Variants in SLC25A36 observed in about 807,000 individuals in gnomAD.
SLC25A36 encodes the protein epididymis secretory sperm binding protein.
In SLC25A36, 24 loss-of-function variants were observed where a neutral mutation model predicts 35.3. The observed-to-expected ratio is 0.68, with a 90% CI of 0.49 to 0.96. The LOEUF (loss-of-function observed/expected upper bound fraction) is 0.96. SLC25A36 is among the 40% of genes least tolerant of loss of function. The probability of loss-of-function intolerance (pLI) is 0.00; values close to 1 mark genes in which losing one functional copy is unlikely to be tolerated. For synonymous variants in SLC25A36, 141 were observed against 132.2 expected (o/e 1.07, Z -0.46); for missense variants, 294 against 381.1 (o/e 0.77, Z 1.90).
intron 3 of SLC25A36, among the ~76,000 whole-genome samples, chr3:140,961,605 C>T (rs867945676): frequency 3.9e-5 from 6 of 152,006 alleles, no homozygotes; most frequent in South Asian, 2.1e-4. Context: ...CCTGTAATCC[C>T]AGCACTTTGG....
intron 1 of SLC25A36, among the ~76,000 whole-genome samples, chr3:140,947,766 T>A (rs533039865): frequency 1.3e-5 from 2 of 152,244 alleles, no homozygotes; most frequent in Admixed American, 6.5e-5. Context: ...CATTGCTGAC[T>A]TTTCCTAAGT....
chr3:140,944,768 T>A (rs1934118448), intron 1 of SLC25A36, among the ~76,000 whole-genome samples: 1 of 152,096 alleles, frequency 6.6e-6, no homozygotes, highest in Non-Finnish European at 1.5e-5. Flanking sequence ...ATCTAAGAAC[T>A]GTCTATTTTT....
At chr3:140,946,297 G>A (rs1283953099) in intron 1 of SLC25A36, among the ~76,000 whole-genome samples, 3 of 152,184 alleles carry the variant, frequency 2.0e-5, no homozygotes, top group African/African-American at 7.2e-5. Flanking sequence ...GAGAGAATTA[G>A]CTATACAAAA....
At chr3:140,968,196 A>C (rs751721184) in intron 4 of SLC25A36, 1 of 943,884 alleles carries the variant, frequency 1.1e-6, no homozygotes. Flanking sequence ...AGTAATGTCT[A>C]TTTAGTTTGT....
At chr3:140,951,588 G>A (rs1219085342) in intron 1 of SLC25A36, among the ~76,000 whole-genome samples, 1 of 151,694 alleles carries the variant, frequency 6.6e-6, no homozygotes, top group Non-Finnish European at 1.5e-5. Flanking sequence ...GGTTCAAACA[G>A]TCCTCCCACC....
intron 1 of SLC25A36, among the ~76,000 whole-genome samples, chr3:140,950,624 A>T (rs1934293783): frequency 6.6e-6 from 1 of 152,128 alleles, no homozygotes; most frequent in Non-Finnish European, 1.5e-5. Flanking sequence ...TTTGTCCCAG[A>T]TGTATAGTTT....
chr3:140,959,911 G>A (rs971947433), intron 3 of SLC25A36, among the ~76,000 whole-genome samples: 11 of 151,970 alleles, frequency 7.2e-5, no homozygotes, highest in Admixed American at 2.0e-4. Flanking sequence ...ATAAAGTATC[G>A]CATATTATAC....
intron 4 of SLC25A36, among the ~76,000 whole-genome samples, chr3:140,967,354 C>G (rs2107807595): frequency 6.6e-6 from 1 of 151,942 alleles, no homozygotes; most frequent in Admixed American, 6.6e-5. Context: ...TCATAGTTCT[C>G]TTTGCTTAGC....
At chr3:140,952,745 T>C (rs1934361770) in intron 1 of SLC25A36, among the ~76,000 whole-genome samples, 1 of 152,234 alleles carries the variant, frequency 6.6e-6, no homozygotes, top group Non-Finnish European at 1.5e-5. Context: ...ATTTATTTTC[T>C]TGGAACCAGG....
chr3:140,979,042 G>A lies in SLC25A36; in HGVS notation c.*2589G>A, dbSNP rs1174267082. On this transcript the variant is annotated 3_prime_UTR_variant, in exon 7 of 7. Transcript: ENST00000324194. The stretch of plus-strand genomic sequence containing the variant: ...TTCAAAGTTCAAATCTGAAGAATTA[G>A]CGTTTGTGATTTCGGGATACCATGC... The A allele has an allele frequency of 6.6e-6, 1 of 152,076 alleles. No homozygotes were observed. Among genetic ancestry groups the A allele is most frequent in the East Asian group, 1.9e-4 (1 of 5,196 alleles). The allele number at this position is 152,076 out of a possible 1,614,324, so 9.4% of individuals were successfully genotyped here.
intron 6 of SLC25A36, among the ~76,000 whole-genome samples, chr3:140,974,383 A>G (rs1327570466): frequency 2.0e-5 from 3 of 152,106 alleles, no homozygotes; most frequent in Non-Finnish European, 4.4e-5. Context: ...GTTATGCTAG[A>G]ACATAACCAG....
At chr3:140,945,388 C>T (rs769495771) in intron 1 of SLC25A36, among the ~76,000 whole-genome samples, 4 of 152,078 alleles carry the variant, frequency 2.6e-5, no homozygotes, top group East Asian at 1.9e-4. Flanking sequence ...AAATGCATTC[C>T]GTTCTTCTTA....
chr3:140,941,891 CGGGGAGGGCTGT>C lies in SLC25A36; in HGVS notation c.-162_-151del, dbSNP rs1252745103. The C allele has an allele frequency of 9.7e-6, 5 of 512,896 alleles. No homozygotes were observed. The East Asian group carries it at 1.8e-4, about 18-fold the overall frequency. 31.8% of individuals were successfully genotyped at this position (512,896 alleles called of 1,614,324 possible). On this transcript the variant is annotated 5_prime_UTR_variant, in exon 1 of 7. Coordinates refer to ENST00000324194, the MANE Select transcript of SLC25A36 (RefSeq NM_001104647.3). The stretch of plus-strand genomic sequence containing the variant: ...AGGCGGTGGCGCGGCTGGAGTGCCG[CGGGGAGGGCTGT>C]GCCGGTTGCTTTCTGCAGCCGCATC...
rs1935151218 is a variant in SLC25A36 at position 140,980,217 on chromosome 3, GT to G, written c.*3768del. On this transcript the variant is annotated 3_prime_UTR_variant, in exon 7 of 7. Coordinates refer to ENST00000324194, the MANE Select transcript of SLC25A36 (RefSeq NM_001104647.3). ...TTGACTTTTATCCAACACTTTTCATGTTTTAATTTCAGCCTTTGTGAAAGTT... is the reference window on the plus strand; with the variant it reads ...TTGACTTTTATCCAACACTTTTCATGTTTAATTTCAGCCTTTGTGAAAGTT... Among the ~76,000 whole-genome samples the G allele has an allele frequency of 6.6e-6, 1 of 151,128 alleles. No homozygotes were observed. The highest frequency in any genetic ancestry group is 1.5e-5 in the Non-Finnish European group (1 of 67,966).
chr3:140,959,574 A>T (rs996154568), intron 3 of SLC25A36, 34 bp downstream of exon 3: 1 of 1,094,212 alleles, frequency 9.1e-7, no homozygotes, highest in Non-Finnish European at 1.3e-6. Flanking sequence ...AAAGCAAGTT[A>T]TGGCAATCTC....
chr3:140,967,911 G>T, intron 4 of SLC25A36: 1 of 856,352 alleles, frequency 1.2e-6, no homozygotes, highest in Non-Finnish European at 1.4e-6. Flanking sequence ...GTTTCACTAG[G>T]TGCTCAGAAT....
intron 1 of SLC25A36, among the ~76,000 whole-genome samples, chr3:140,955,906 G>T (rs1346651948): frequency 6.6e-6 from 1 of 152,102 alleles, no homozygotes; most frequent in African/African-American, 2.4e-5. Flanking sequence ...ATGTTGCCCA[G>T]GCTGATGTCA....
intron 4 of SLC25A36, chr3:140,966,806 T>C: frequency 2.5e-6 from 1 of 392,236 alleles, no homozygotes; most frequent in Non-Finnish European, 5.2e-6. Context: ...TAACTTAAAA[T>C]TTTCAAAAAA....
In SLC25A36 at chr3:140,980,497, T is replaced by C. The variant is rs1278514538; in HGVS notation, c.*4044T>C. Among the ~76,000 whole-genome samples, 2 of 152,184 alleles carry C rather than the reference T, an allele frequency of 1.3e-5. No individual in the cohort carries two copies. Among genetic ancestry groups the C allele is most frequent in the Non-Finnish European group, 2.9e-5 (2 of 68,032 alleles). Reference sequence around the variant, plus strand: ...AAATTGTTGGTTCTACTAATAGTACTCTGCACTGAAGGCACTGGCAAAATA... The same window carrying C: ...AAATTGTTGGTTCTACTAATAGTACCCTGCACTGAAGGCACTGGCAAAATA... On this transcript the variant is annotated 3_prime_UTR_variant, in exon 7 of 7. Transcript: ENST00000324194.
Sources: allele counts gnomAD v4.1 joint callset (sites outside exome capture counted in the v4.1 genomes callset), GRCh38; gene constraint gnomAD v4.1.1; transcripts MANE v1.5; gene names NCBI Gene and HGNC (gene_info 2026-07-23, HGNC 2026-07-21).